The following CAMK4 variants were observed in gnomAD, a reference collection of about 807,000 sequenced individuals.
CAMK4 encodes calcium/calmodulin dependent protein kinase IV.
CAMK4 carries 22 observed loss-of-function variants against 44.9 expected under a neutral mutation model. The observed-to-expected ratio is 0.49, with a 90% confidence interval of 0.35 to 0.70. CAMK4 has a LOEUF of 0.70. Ranked by LOEUF, CAMK4 falls within the 30% of genes least tolerant of loss-of-function variation. The pLI is 0.01. For synonymous variants in CAMK4, 218 were observed against 215.4 expected, an observed-to-expected ratio of 1.01 and a Z score of -0.11; for missense variants, 498 against 586.8, an observed-to-expected ratio of 0.85 and a Z score of 1.56.
chr5:111,451,536 C>T (rs1034252458), intron 7 of CAMK4, among the ~76,000 whole-genome samples: 1 of 152,114 alleles, frequency 6.6e-6, no homozygotes, highest in South Asian at 2.1e-4. Flanking sequence ...GATCCTCCAG[C>T]CTCGGCCTCC....
chr5:111,231,958 C>A (rs1490054765), intron 1 of CAMK4, among the ~76,000 whole-genome samples: 1 of 152,134 alleles, frequency 6.6e-6, no homozygotes, highest in Non-Finnish European at 1.5e-5. Context: ...ACCAGAGTAG[C>A]ACAAATTGAA....
chr5:111,313,042 C>A (rs1261059066), intron 1 of CAMK4, among the ~76,000 whole-genome samples: 1 of 152,020 alleles, frequency 6.6e-6, no homozygotes, highest in Non-Finnish European at 1.5e-5. Flanking sequence ...TTCTGGGTAC[C>A]CTGTGTTCCT....
intron 6 of CAMK4, 65 bp downstream of exon 6, chr5:111,446,841 A>G (rs1754047310): frequency 2.2e-6 from 2 of 894,956 alleles, no homozygotes; most frequent in African/African-American, 1.6e-5. Context: ...TACTGTGTGG[A>G]ATTTTTAAAT....
chr5:111,405,660 CAGGGA>C (rs1752397720), intron 5 of CAMK4, among the ~76,000 whole-genome samples: 1 of 152,024 alleles, frequency 6.6e-6, no homozygotes, highest in Admixed American at 6.6e-5. Context: ...CTTAAAAAGA[CAGGGA>C]GACTGGCCTG....
chr5:111,320,331 A>G (rs962655818), intron 1 of CAMK4, among the ~76,000 whole-genome samples: 2 of 152,148 alleles, frequency 1.3e-5, no homozygotes, highest in Non-Finnish European at 2.9e-5. Context: ...TTGTTCCAGT[A>G]GTACAATGGA....
chr5:111,373,103 A>G (rs1381023271), intron 2 of CAMK4, among the ~76,000 whole-genome samples: 2 of 152,212 alleles, frequency 1.3e-5, no homozygotes, highest in East Asian at 3.8e-4. Flanking sequence ...TTGTTTTGTA[A>G]TATTGCAAAT....
At chr5:111,234,098 C>T (rs1748599926) in intron 1 of CAMK4, among the ~76,000 whole-genome samples, 1 of 151,904 alleles carries the variant, frequency 6.6e-6, no homozygotes, top group Non-Finnish European at 1.5e-5. Context: ...AGCATGTGCT[C>T]AAAAAACATT....
chr5:111,345,650 A>G (rs1345785064), intron 2 of CAMK4, among the ~76,000 whole-genome samples: 1 of 151,962 alleles, frequency 6.6e-6, no homozygotes, highest in African/African-American at 2.4e-5. Context: ...AAGTCTAGGA[A>G]ATAAATACTT....
intron 4 of CAMK4, among the ~76,000 whole-genome samples, chr5:111,381,452 A>G (rs1751412090): frequency 6.6e-6 from 1 of 152,180 alleles, no homozygotes; most frequent in East Asian, 1.9e-4. Context: ...AGAGTCGGAA[A>G]GCTGAAGAAC....
chr5:111,331,565 T>G (rs569620045), intron 1 of CAMK4, among the ~76,000 whole-genome samples: 31 of 151,876 alleles, frequency 2.0e-4, no homozygotes, highest in Middle Eastern at 3.4e-3. Context: ...TAAGATCATT[T>G]GTGTATAACA....
intron 1 of CAMK4, among the ~76,000 whole-genome samples, chr5:111,330,958 A>C (rs373128422): frequency 1.3e-4 from 20 of 151,756 alleles, no homozygotes; most frequent in African/African-American, 4.6e-4. Context: ...TATACCACAA[A>C]CAAAAAAAAT....
At chr5:111,412,221 G>A (rs306090) in intron 5 of CAMK4, among the ~76,000 whole-genome samples, 103,437 of 152,008 alleles carry the variant, frequency 0.68, 35,948 homozygotes, top group Non-Finnish European at 0.76. Context: ...TAAGAAAGTC[G>A]ATAGTAGATA....
At position 111,224,526 on chromosome 5, in the gene CAMK4, T is replaced by A. The variant is rs1383075078; in HGVS notation, c.43T>A (p.Ser15Thr). The A allele has an allele frequency of 6.2e-7, 1 of 1,611,298 alleles. No homozygotes were observed. The highest frequency in any genetic ancestry group is 1.3e-5 in the African/African-American group (1 of 74,762). Residue 15 changes from serine to threonine, a missense_variant, in exon 1 of 11, where the codon TCT becomes ACT. Physicochemically the swap from Ser to Thr is moderately conservative, Grantham distance 58 (BLOSUM62 1). Around this residue, in one of 3 missense-constraint regions of CAMK4, gnomAD observed 152 missense variants for 143.7 expected, o/e 1.06. Transcript: ENST00000282356. The surrounding 1 kb of genome is among the most constrained non-coding windows in gnomAD (Gnocchi z 5.7). ...TVPSCSASSCSSVTASAAPGT... is the reference protein window; with the variant it reads ...TVPSCSASSCTSVTASAAPGT... ...GCCCTCCTGCTCCGCCTCGTCCTGCTCTTCGGTCACCGCCAGTGCGGCCCC... is the reference window on the plus strand; with the variant it reads ...GCCCTCCTGCTCCGCCTCGTCCTGCACTTCGGTCACCGCCAGTGCGGCCCC...
At chr5:111,244,390 C>A (rs1749140827) in intron 1 of CAMK4, among the ~76,000 whole-genome samples, 1 of 152,044 alleles carries the variant, frequency 6.6e-6, no homozygotes, top group African/African-American at 2.4e-5. Flanking sequence ...TGTAAAAAAT[C>A]TTTGTCCTCA....
intron 5 of CAMK4, among the ~76,000 whole-genome samples, chr5:111,436,020 A>G (rs1037766560): frequency 3.9e-5 from 6 of 152,170 alleles, no homozygotes; most frequent in African/African-American, 1.4e-4. Flanking sequence ...TTGTCTGTTT[A>G]TATCTAGACA....
chr5:111,263,279 T>C (rs1306742737), intron 1 of CAMK4, among the ~76,000 whole-genome samples: 2 of 152,244 alleles, frequency 1.3e-5, no homozygotes, highest in Non-Finnish European at 2.9e-5. Context: ...GGAACTTTTA[T>C]GTTATATACA....
rs780459960 is a variant in CAMK4 at position 111,224,559 on chromosome 5, G to A, written c.76G>A (p.Ala26Thr). The change falls in exon 1 of 11, where the codon GCG becomes ACG. Residue 26 changes from alanine (A) to threonine (T), a missense_variant. Coordinates refer to ENST00000282356, the MANE Select transcript of CAMK4 (RefSeq NM_001744.6). The surrounding 1 kb of genome is among the most constrained non-coding windows in gnomAD (Gnocchi z 5.7). ...SVTASAAPGT[A>T]SLVPDYWIDG... ...CACCGCCAGTGCGGCCCCGGGGACCGCGAGCCTCGTCCCGGATTACTGGAT... is the reference window on the plus strand; with the variant it reads ...CACCGCCAGTGCGGCCCCGGGGACCACGAGCCTCGTCCCGGATTACTGGAT... 6.2e-6 allele frequency: 10 copies of A among 1,611,632 alleles called. No individual in the cohort carries two copies. In the African/African-American group the frequency reaches 1.2e-4, roughly 19 times the overall value.
At chr5:111,325,032 A>T (rs542887661) in intron 1 of CAMK4, among the ~76,000 whole-genome samples, 14 of 151,032 alleles carry the variant, frequency 9.3e-5, no homozygotes, top group Admixed American at 5.3e-4. Context: ...ATGGTGAGTG[A>T]TGTTCCCCTC....
chr5:111,484,623 A>T lies in CAMK4; in HGVS notation c.*157A>T, dbSNP rs1755551458. On this transcript the variant is annotated 3_prime_UTR_variant, in exon 11 of 11. Coordinates refer to ENST00000282356, the MANE Select transcript of CAMK4 (RefSeq NM_001744.6). The surrounding 1 kb of genome is among the most constrained non-coding windows in gnomAD (Gnocchi z 5.3). The stretch of plus-strand genomic sequence containing the variant: ...CAGTTGGTAATTCTAACTTCAATGC[A>T]TGTGACTGCTTTATGAAAATAATAG... 1 of 434,404 alleles carries T rather than the reference A, an allele frequency of 2.3e-6. No homozygotes were observed. The highest frequency in any genetic ancestry group is 2.0e-5 in the African/African-American group (1 of 49,476). 26.9% of individuals were successfully genotyped at this position (434,404 alleles called of 1,614,324 possible). A position where few individuals can be genotyped will look rare whatever the true frequency, so the allele number is the denominator to read the frequency against.
Sources: allele counts gnomAD v4.1 joint callset (sites outside exome capture counted in the v4.1 genomes callset), GRCh38; gene constraint gnomAD v4.1.1; regional missense constraint gnomAD v4.1.1; non-coding constraint Gnocchi (gnomAD v3.1); transcripts MANE v1.5; gene names NCBI Gene and HGNC (gene_info 2026-07-23, HGNC 2026-07-21).